Variants in EPHB1 observed in about 807,000 individuals in gnomAD.
EPHB1 encodes the protein EPH receptor B1.
In EPHB1, 30 loss-of-function variants were observed where a neutral mutation model predicts 94.4. The ratio of observed to expected loss-of-function variants is 0.32; its 90% CI spans 0.24 to 0.43. The LOEUF is 0.43. Ranked by LOEUF, EPHB1 falls within the 20% of genes least tolerant of loss-of-function variation. EPHB1 has a pLI of 1.00. For synonymous variants in EPHB1, 522 were observed against 489.1 expected, an observed-to-expected ratio of 1.07 and a Z score of -0.89; for missense variants, 1,055 against 1,308.3, an observed-to-expected ratio of 0.81 and a Z score of 2.99.
At chr3:134,937,055 G>T (rs140033028) in intron 2 of EPHB1, among the ~76,000 whole-genome samples, 52 of 152,328 alleles carry the variant, frequency 3.4e-4, no homozygotes, top group African/African-American at 1.2e-3. Flanking sequence ...GTCATAAGAG[G>T]CTTAATGTGG....
intron 12 of EPHB1, among the ~76,000 whole-genome samples, chr3:135,231,796 A>G (rs566084686): frequency 6.6e-6 from 1 of 152,274 alleles, no homozygotes; most frequent in African/African-American, 2.4e-5. Flanking sequence ...TATGTGTGCC[A>G]TTTGCATGAC....
At chr3:135,258,707 C>T (rs1933520080) in intron 15 of EPHB1, among the ~76,000 whole-genome samples, 5 of 152,132 alleles carry the variant, frequency 3.3e-5, no homozygotes. Context: ...AGGAAAATTC[C>T]AGTCCATCTG....
intron 3 of EPHB1, among the ~76,000 whole-genome samples, chr3:135,065,114 G>A (rs967935892): frequency 6.6e-6 from 1 of 151,990 alleles, no homozygotes; most frequent in Admixed American, 6.6e-5. Context: ...CTCATTTTGT[G>A]GCCTGTCATA....
chr3:134,813,943 G>A (rs990960094), intron 1 of EPHB1, among the ~76,000 whole-genome samples: 7 of 152,194 alleles, frequency 4.6e-5, no homozygotes, highest in African/African-American at 1.4e-4. Flanking sequence ...TGATGCTGAC[G>A]CTGCATCACT....
intron 11 of EPHB1, among the ~76,000 whole-genome samples, chr3:135,194,332 T>C (rs888851922): frequency 1.3e-5 from 2 of 152,162 alleles, no homozygotes; most frequent in African/African-American, 2.4e-5. Context: ...ATCTTATACT[T>C]TTTTTCCCCA....
At chr3:134,918,800 A>C (rs2038621299) in intron 1 of EPHB1, among the ~76,000 whole-genome samples, 1 of 152,206 alleles carries the variant, frequency 6.6e-6, no homozygotes, top group Admixed American at 6.5e-5. Context: ...TGCAATGAAT[A>C]CCTTCATGAT....
Position 135,162,034 on chromosome 3 carries a change from A to C in EPHB1, c.1439A>C (p.Asn480Thr), listed in dbSNP as rs757385650. The change falls in exon 7 of 16, where the codon AAC becomes ACC. Residue 480 changes from asparagine to threonine, a missense_variant. Coordinates refer to ENST00000398015, the MANE Select transcript of EPHB1 (RefSeq NM_004441.5). ...TTCTTTTAGGAACACAATGAGTTCAACTCCTCCATGGCCAGGAGTCAGACC... is the reference window on the plus strand; with the variant it reads ...TTCTTTTAGGAACACAATGAGTTCACCTCCTCCATGGCCAGGAGTCAGACC... ...RYYEKEHNEF[N>T]SSMARSQTNT... is the part of the protein sequence containing the mutation. 1.2e-5 allele frequency: 20 copies of C among 1,610,894 alleles called. No homozygotes were observed. The highest frequency in any genetic ancestry group is 1.7e-5 in the Non-Finnish European group (20 of 1,178,554).
At chr3:135,150,301 C>T (rs575740585) in intron 5 of EPHB1, among the ~76,000 whole-genome samples, 1 of 152,360 alleles carries the variant, frequency 6.6e-6, no homozygotes, top group South Asian at 2.1e-4. Flanking sequence ...CTGAGAGTCA[C>T]AGCGTGCAGT....
chr3:135,214,975 A>C (rs1449138027), intron 12 of EPHB1, among the ~76,000 whole-genome samples: 1 of 152,092 alleles, frequency 6.6e-6, no homozygotes, highest in African/African-American at 2.4e-5. Context: ...TCATCCATAA[A>C]ATGGGGTTTG....
chr3:134,941,209 C>T (rs1163425142), intron 2 of EPHB1, among the ~76,000 whole-genome samples: 1 of 152,112 alleles, frequency 6.6e-6, no homozygotes, highest in East Asian at 1.9e-4. Flanking sequence ...GAATTCTGTG[C>T]TTGGAATTGT....
chr3:134,958,778 G>T (rs1456268554), intron 3 of EPHB1, among the ~76,000 whole-genome samples: 1 of 152,162 alleles, frequency 6.6e-6, no homozygotes, highest in African/African-American at 2.4e-5. Context: ...TGTGACACCG[G>T]CATGAGCAAC....
chr3:134,953,569 C>T (rs534367791), intron 3 of EPHB1, among the ~76,000 whole-genome samples: 20 of 152,364 alleles, frequency 1.3e-4, no homozygotes, highest in Admixed American at 1.0e-3. Context: ...AGGCACCAGG[C>T]TGAGTTCTTA....
At chr3:134,940,004 G>A (rs2039082088) in intron 2 of EPHB1, among the ~76,000 whole-genome samples, 1 of 152,192 alleles carries the variant, frequency 6.6e-6, no homozygotes, top group Admixed American at 6.5e-5. Flanking sequence ...GTGGTCCAGG[G>A]ATTGCTGGCT....
chr3:135,134,027 T>C (rs1054870574), intron 5 of EPHB1, among the ~76,000 whole-genome samples: 2 of 152,182 alleles, frequency 1.3e-5, no homozygotes, highest in African/African-American at 2.4e-5. Flanking sequence ...AGCTGCAAGG[T>C]AAAATGCTAT....
intron 1 of EPHB1, among the ~76,000 whole-genome samples, chr3:134,839,737 G>A (rs1333797546): frequency 1.3e-5 from 2 of 152,212 alleles, no homozygotes. Flanking sequence ...TCAGACACAT[G>A]CTGAGTGTTT....
At chr3:135,192,006 C>A (rs1031629015) in intron 10 of EPHB1, among the ~76,000 whole-genome samples, 2 of 152,196 alleles carry the variant, frequency 1.3e-5, no homozygotes, top group African/African-American at 4.8e-5. Flanking sequence ...GGGCTGTCTC[C>A]GCCCAATCCT....
intron 2 of EPHB1, among the ~76,000 whole-genome samples, chr3:134,943,493 T>C (rs531971611): frequency 1.3e-5 from 2 of 152,232 alleles, no homozygotes; most frequent in South Asian, 4.1e-4. Context: ...CTGGAAGAAA[T>C]GGCACATTGT....
At chr3:135,093,414 C>T (rs1428256885) in intron 3 of EPHB1, among the ~76,000 whole-genome samples, 2 of 152,076 alleles carry the variant, frequency 1.3e-5, no homozygotes, top group Non-Finnish European at 2.9e-5. Context: ...AAAAATCTTC[C>T]ACTATTTGAA....
intron 3 of EPHB1, among the ~76,000 whole-genome samples, chr3:134,958,738 A>G (rs1193640128): frequency 2.0e-5 from 3 of 152,068 alleles, no homozygotes; most frequent in African/African-American, 4.8e-5. Context: ...CCAGAGAGGA[A>G]TCAGATGTAA....
Sources: gnomAD v4.1 joint callset for allele counts (sites outside exome capture counted in the v4.1 genomes callset) on GRCh38, gnomAD v4.1.1 for gene constraint, MANE v1.5 for transcripts, NCBI Gene and HGNC (gene_info 2026-07-23, HGNC 2026-07-21) for gene names.